DTD1: variants seen among roughly 807,000 people sequenced by gnomAD.
DTD1 encodes D-aminoacyl-tRNA deacylase 1.
In DTD1, 13 loss-of-function variants were observed where a neutral mutation model predicts 25.6. That is an observed-to-expected ratio of 0.51 (90% CI 0.33 to 0.81). The LOEUF (loss-of-function observed/expected upper bound fraction) is 0.81. Ranked by LOEUF, DTD1 falls within the 30% of genes least tolerant of loss-of-function variation. DTD1 has a pLI of 0.02. For synonymous variants in DTD1, 110 were observed against 103.6 expected (o/e 1.06, Z -0.37); for missense variants, 193 against 266.4 (o/e 0.72, Z 1.92).
chr20:18,756,283 C>T (rs1160225574), intron 5 of DTD1, among the ~76,000 whole-genome samples: 3 of 151,958 alleles, frequency 2.0e-5, no homozygotes, highest in Admixed American at 6.6e-5. Context: ...AATTAGATCC[C>T]ATTTGTCAAT....
intron 1 of DTD1, among the ~76,000 whole-genome samples, chr20:18,591,498 A>C (rs2060589397): frequency 6.6e-6 from 1 of 152,192 alleles, no homozygotes; most frequent in Non-Finnish European, 1.5e-5. Context: ...ATTCTTATGC[A>C]ATATTATTAT....
chr20:18,588,143 G>T, intron 1 of DTD1, 28 bp downstream of exon 1: 1 of 1,257,924 alleles, frequency 7.9e-7, no homozygotes, highest in Non-Finnish European at 1.0e-6. Flanking sequence ...GGGCCCGGGA[G>T]GAGCCGCCCC....
At chr20:18,691,748 C>T (rs1450926598) in intron 4 of DTD1, among the ~76,000 whole-genome samples, 1 of 152,132 alleles carries the variant, frequency 6.6e-6, no homozygotes, top group Non-Finnish European at 1.5e-5. Flanking sequence ...TACACATGTA[C>T]CCTCTGAATC....
chr20:18,731,687 T>C (rs1568684110), intron 4 of DTD1, among the ~76,000 whole-genome samples: 1 of 152,254 alleles, frequency 6.6e-6, no homozygotes, highest in Non-Finnish European at 1.5e-5. Context: ...CACTCTTCAC[T>C]CCCTACTACT....
chr20:18,632,892 A>ATGTGGGTATGTGTGCC (rs1277842777), intron 4 of DTD1, among the ~76,000 whole-genome samples: 2 of 152,030 alleles, frequency 1.3e-5, no homozygotes, highest in Non-Finnish European at 2.9e-5. Flanking sequence ...GTATGTGTGC[A>ATGTGGGTATGTGTGCC]TGCATTTGTG....
At chr20:18,663,273 A>T (rs985621705) in intron 4 of DTD1, among the ~76,000 whole-genome samples, 7 of 152,092 alleles carry the variant, frequency 4.6e-5, no homozygotes, top group African/African-American at 1.7e-4. Flanking sequence ...TAATCCCAGC[A>T]CTTTGGGAGG....
intron 4 of DTD1, among the ~76,000 whole-genome samples, chr20:18,702,256 A>G (rs1204398085): frequency 1.3e-5 from 2 of 152,158 alleles, no homozygotes; most frequent in African/African-American, 4.8e-5. Context: ...GTAATCCACA[A>G]CTGTGTATGG....
chr20:18,748,714 C>T (rs1020006164), intron 5 of DTD1, among the ~76,000 whole-genome samples: 6 of 152,210 alleles, frequency 3.9e-5, no homozygotes, highest in South Asian at 2.1e-4. Context: ...TCTAAGTTTA[C>T]GAGGGGAATT....
chr20:18,751,227 G>A (rs1340467764), intron 5 of DTD1, among the ~76,000 whole-genome samples: 2 of 152,006 alleles, frequency 1.3e-5, no homozygotes, highest in Non-Finnish European at 2.9e-5. Context: ...TCCATGTGCT[G>A]GTATTTCATG....
At chr20:18,705,855 C>T (rs944084498) in intron 4 of DTD1, among the ~76,000 whole-genome samples, 5 of 152,160 alleles carry the variant, frequency 3.3e-5, no homozygotes, top group Non-Finnish European at 5.9e-5. Flanking sequence ...AGCTCATTTG[C>T]TGTTTTTTGA....
chr20:18,758,046 A>G (rs1387813524), intron 5 of DTD1, among the ~76,000 whole-genome samples: 3 of 152,182 alleles, frequency 2.0e-5, no homozygotes, highest in Non-Finnish European at 2.9e-5. Context: ...TAGATTTTCT[A>G]GTTTATTTGC....
In DTD1 at chr20:18,764,764, C is replaced by CCAG. The variant is rs1276111748; in HGVS notation, c.*1426_*1428dup. On this transcript the variant is annotated 3_prime_UTR_variant, in exon 6 of 6. Coordinates refer to ENST00000377452, the MANE Select transcript of DTD1 (RefSeq NM_080820.6). Reference sequence around the variant, plus strand: ...ATTACATCCCAGATGCAGACCCTGGCCAGCTCCCTAAGCTGTGTGGGCAGT... The same window carrying CCAG: ...ATTACATCCCAGATGCAGACCCTGGCCAGCAGCTCCCTAAGCTGTGTGGGCAGT... 1.3e-5 allele frequency: 2 copies of CCAG among 152,224 alleles called. No homozygotes were observed. Among genetic ancestry groups the CCAG allele is most frequent in the African/African-American group, 4.8e-5 (2 of 41,444 alleles). The allele number at this position is 152,224 out of a possible 1,614,324, so 9.4% of individuals were successfully genotyped here.
At chr20:18,597,526 A>G (rs1381343491) in intron 3 of DTD1, among the ~76,000 whole-genome samples, 1 of 151,572 alleles carries the variant, frequency 6.6e-6, no homozygotes, top group East Asian at 1.9e-4. Flanking sequence ...GCCTACTCCC[A>G]CTCTCTTCTT....
In DTD1 at chr20:18,713,287, A is replaced by G. The variant is rs1004348567; in HGVS notation, c.478-30813A>G. 5.3e-5 allele frequency among the ~76,000 whole-genome samples: 8 copies of G among 152,218 alleles called. No individual in the cohort carries two copies. The South Asian group carries it at 1.7e-3, about 32-fold the overall frequency. On this transcript the variant is annotated intron_variant, in intron 4 of 5. Transcript: ENST00000377452. ...TTATAGGTGTGCACCTAATGACTTT[A>G]AAAGGCTTATTTTTAGGTTGCTGTT...
intron 4 of DTD1, among the ~76,000 whole-genome samples, chr20:18,669,162 G>T (rs2060942828): frequency 6.6e-6 from 1 of 152,204 alleles, no homozygotes; most frequent in Non-Finnish European, 1.5e-5. Context: ...GGGGACCAGG[G>T]GGTAGTGAGG....
chr20:18,636,708 G>T (rs1196783190), intron 4 of DTD1, among the ~76,000 whole-genome samples: 4 of 152,206 alleles, frequency 2.6e-5, no homozygotes, highest in Non-Finnish European at 5.9e-5. Flanking sequence ...ATGTGTGGAT[G>T]TGTGCAAGTG....
Position 18,650,893 on chromosome 20 carries a change from T to G in DTD1, c.477+22660T>G, listed in dbSNP as rs58028179. Reference sequence around the variant, plus strand: ...ATAAATTCCAGTGGAATTAAAAAGATAAATGTAATTTTAAAAAATCTCACA... The same window carrying G: ...ATAAATTCCAGTGGAATTAAAAAGAGAAATGTAATTTTAAAAAATCTCACA... On this transcript the variant is annotated intron_variant, in intron 4 of 5. Transcript: ENST00000377452. Among the ~76,000 whole-genome samples the G allele has an allele frequency of 3.9e-5, 6 of 152,342 alleles. No homozygotes were observed. In the East Asian group the frequency reaches 1.2e-3, roughly 29 times the overall value.
chr20:18,722,975 A>T (rs1357811929), intron 4 of DTD1, among the ~76,000 whole-genome samples: 3 of 152,246 alleles, frequency 2.0e-5, no homozygotes, highest in Admixed American at 1.3e-4. Context: ...ACACATAGAA[A>T]CAACATCTAA....
chr20:18,688,930 C>T (rs1252152604), intron 4 of DTD1, among the ~76,000 whole-genome samples: 1 of 151,972 alleles, frequency 6.6e-6, no homozygotes, highest in Admixed American at 6.6e-5. Flanking sequence ...CTAGCAGTGG[C>T]CAGGAAGGCA....
Sources: allele counts gnomAD v4.1 joint callset (sites outside exome capture counted in the v4.1 genomes callset), GRCh38; gene constraint gnomAD v4.1.1; transcripts MANE v1.5; gene names NCBI Gene and HGNC (gene_info 2026-07-23, HGNC 2026-07-21).